The following SLC12A8 variants were observed in gnomAD, a reference collection of about 807,000 sequenced individuals.
SLC12A8 encodes solute carrier family 12 member 8.
A neutral mutation model predicts 75.6 loss-of-function variants in SLC12A8; 69 were observed. That is an observed-to-expected ratio of 0.91 (90% CI 0.75 to 1.11). SLC12A8 has a LOEUF of 1.11. Ranked by LOEUF, SLC12A8 falls within the 50% of genes most tolerant of loss-of-function variation. SLC12A8 has a pLI of 0.00. For synonymous variants in SLC12A8, 365 were observed against 372.8 expected, an observed-to-expected ratio of 0.98 and a Z score of 0.24; for missense variants, 877 against 896.7, an observed-to-expected ratio of 0.98 and a Z score of 0.28.
intron 12 of SLC12A8, 31 bp downstream of exon 12, chr3:125,091,408 G>A: frequency 7.0e-7 from 1 of 1,433,440 alleles, no homozygotes; most frequent in Non-Finnish European, 9.8e-7. Flanking sequence ...GAGAATGAGG[G>A]AACCAGTGGC....
rs759673944 is a variant in SLC12A8 at position 125,108,105 on chromosome 3, C to T, written c.1081G>A (p.Val361Met). Residue 361 changes from valine to methionine, a missense_variant, in exon 10 of 14, where the codon GTG (valine) becomes ATG (methionine). Coordinates refer to ENST00000469902, the MANE Select transcript of SLC12A8 (RefSeq NM_024628.6). The stretch of plus-strand genomic sequence containing the variant: ...AAGCTGGTCAGGCAGATGGCAGCCA[C>T]GGGTGTTTTGTTTGGCCCCTTCTGC... ...GQGKGPNKTP[V>M]AAICLTSLVT... is the part of the protein sequence containing the mutation. The T allele has an allele frequency of 9.4e-5, 152 of 1,613,570 alleles. No individual in the cohort carries two copies. Among genetic ancestry groups the T allele is most frequent in the South Asian group, 1.1e-4 (10 of 91,030 alleles).
At chr3:125,161,138 T>C (rs1386743004) in intron 5 of SLC12A8, among the ~76,000 whole-genome samples, 1 of 152,210 alleles carries the variant, frequency 6.6e-6, no homozygotes, top group Non-Finnish European at 1.5e-5. Context: ...GCAGGGCTCA[T>C]AACAATGTTA....
chr3:125,116,309 C>CAATGGTCTCTTCCAGGG (rs1193424171), intron 8 of SLC12A8, among the ~76,000 whole-genome samples: 2 of 152,218 alleles, frequency 1.3e-5, no homozygotes, highest in Admixed American at 1.3e-4. Flanking sequence ...ATAGGCTTTA[C>CAATGGTCTCTTCCAGGG]AATGGTCTCT....
intron 4 of SLC12A8, among the ~76,000 whole-genome samples, chr3:125,185,915 C>T (rs1290556636): frequency 1.3e-5 from 2 of 152,228 alleles, no homozygotes; most frequent in African/African-American, 4.8e-5. Flanking sequence ...AGTGGCGTCT[C>T]AGGCCGTGGC....
intron 5 of SLC12A8, among the ~76,000 whole-genome samples, chr3:125,174,096 C>G (rs1319721138): frequency 6.6e-6 from 1 of 152,010 alleles, no homozygotes; most frequent in Non-Finnish European, 1.5e-5. Flanking sequence ...TGTCTCAAAA[C>G]AGAACAAAAC....
chr3:125,088,450 G>A (rs768652314), intron 12 of SLC12A8, 80 bp from the exon 13 acceptor site: 25 of 1,178,438 alleles, frequency 2.1e-5, no homozygotes, highest in Non-Finnish European at 3.2e-5. Flanking sequence ...TAGGGTGAAT[G>A]CAAACCCCAA....
At chr3:125,084,535 T>A (rs899504428) in intron 13 of SLC12A8, among the ~76,000 whole-genome samples, 1 of 152,250 alleles carries the variant, frequency 6.6e-6, no homozygotes, top group Non-Finnish European at 1.5e-5. Context: ...TAAGAGGGAC[T>A]GCAAAGGCTT....
chr3:125,179,395 A>C (rs1033320716), intron 4 of SLC12A8, among the ~76,000 whole-genome samples: 1 of 152,172 alleles, frequency 6.6e-6, no homozygotes, highest in East Asian at 1.9e-4. Flanking sequence ...GCAAGCATTC[A>C]ATAAATACTT....
chr3:125,183,216 G>T (rs1250716844), intron 4 of SLC12A8, among the ~76,000 whole-genome samples: 1 of 152,062 alleles, frequency 6.6e-6, no homozygotes, highest in Non-Finnish European at 1.5e-5. Flanking sequence ...GCTTTTCCTT[G>T]GAAAACATTC....
At chr3:125,195,730 C>T (rs891531032) in intron 2 of SLC12A8, among the ~76,000 whole-genome samples, 4 of 152,164 alleles carry the variant, frequency 2.6e-5, no homozygotes, top group Admixed American at 2.6e-4. Context: ...ACTTTGATGC[C>T]GAAGTTCTGC....
rs763525488 is a variant in SLC12A8 at position 125,200,821 on chromosome 3, G to A, written c.52-10300C>T. On this transcript the variant is annotated intron_variant, in intron 2 of 13. Transcript: ENST00000469902. ...TGACTCAAAAGGAGTCATGGCTTTC[G>A]GTTTTAAGTTGAATTCTATGAACAC... Among the ~76,000 whole-genome samples the A allele has an allele frequency of 2.2e-4, 33 of 152,258 alleles. No homozygotes were observed. In the East Asian group the frequency reaches 3.5e-3, roughly 16 times the overall value.
At chr3:125,211,236 A>G (rs1448079802) in intron 2 of SLC12A8, 63 bp downstream of exon 2, 1 of 1,355,492 alleles carries the variant, frequency 7.4e-7, no homozygotes, top group Non-Finnish European at 1.1e-6. Flanking sequence ...CATCCAGCCC[A>G]CTGTCTGGGG....
At chr3:125,205,830 T>C (rs1243281945) in intron 2 of SLC12A8, among the ~76,000 whole-genome samples, 1 of 152,162 alleles carries the variant, frequency 6.6e-6, no homozygotes, top group Non-Finnish European at 1.5e-5. Context: ...TCCATAAAAA[T>C]GGTATAAGCT....
intron 2 of SLC12A8, chr3:125,192,518 T>C (rs1934928292): frequency 6.5e-6 from 1 of 153,734 alleles, no homozygotes; most frequent in Non-Finnish European, 1.5e-5. Context: ...GACAGAAACC[T>C]TATTCCTCTT....
At chr3:125,156,673 C>T (rs765540842) in intron 5 of SLC12A8, among the ~76,000 whole-genome samples, 16 of 152,176 alleles carry the variant, frequency 1.1e-4, no homozygotes, top group Non-Finnish European at 1.5e-4. Context: ...AATGAGATCA[C>T]GAAACTGTCT....
At chr3:125,094,731 A>G (rs1376596483) in intron 10 of SLC12A8, among the ~76,000 whole-genome samples, 1 of 152,174 alleles carries the variant, frequency 6.6e-6, no homozygotes, top group Non-Finnish European at 1.5e-5. Flanking sequence ...AAACCTCCTC[A>G]AAAGAATTGC....
chr3:125,207,502 A>C (rs11710899), intron 2 of SLC12A8, among the ~76,000 whole-genome samples: 112,912 of 152,074 alleles, frequency 0.74, 42,205 homozygotes, highest in South Asian at 0.83. Context: ...GTTTTAGTAT[A>C]TCCAGCAGGA....
At chr3:125,194,874 G>A (rs2107798675) in intron 2 of SLC12A8, among the ~76,000 whole-genome samples, 1 of 152,372 alleles carries the variant, frequency 6.6e-6, no homozygotes, top group African/African-American at 2.4e-5. Context: ...ATATACCCAA[G>A]CTGCTGCTGA....
At chr3:125,168,288 T>A (rs1404006099) in intron 5 of SLC12A8, among the ~76,000 whole-genome samples, 1 of 152,318 alleles carries the variant, frequency 6.6e-6, no homozygotes, top group East Asian at 1.9e-4. Flanking sequence ...AGCTGATTAT[T>A]GGCTTGTTGA....
Sources: allele counts gnomAD v4.1 joint callset (sites outside exome capture counted in the v4.1 genomes callset), GRCh38; gene constraint gnomAD v4.1.1; transcripts MANE v1.5; gene names NCBI Gene and HGNC (gene_info 2026-07-23, HGNC 2026-07-21).